NYAP2: variants seen among roughly 807,000 people sequenced by gnomAD.
NYAP2 encodes the protein neuronal tyrosine-phosphorylated phosphoinositide-3-kinase adapter 2.
Under a neutral mutation model 50.4 loss-of-function variants are expected in NYAP2, and 23 were observed. The ratio of observed to expected loss-of-function variants is 0.46; its 90% CI spans 0.33 to 0.65. The LOEUF (loss-of-function observed/expected upper bound fraction) is 0.65. Ranked by LOEUF, NYAP2 falls within the 30% of genes least tolerant of loss-of-function variation. NYAP2 has a pLI of 0.02. For synonymous variants in NYAP2, 394 were observed against 365.2 expected, an observed-to-expected ratio of 1.08 and a Z score of -0.90; for missense variants, 885 against 861.0, an observed-to-expected ratio of 1.03 and a Z score of -0.35.
At chr2:225,604,009 C>A (rs555739598) in intron 5 of NYAP2, among the ~76,000 whole-genome samples, 6 of 152,174 alleles carry the variant, frequency 3.9e-5, no homozygotes, top group Admixed American at 2.0e-4. Context: ...ATATCAGTAA[C>A]ATCAGAAATA....
intron 3 of NYAP2, among the ~76,000 whole-genome samples, chr2:225,510,724 C>A (rs545525318): frequency 3.3e-5 from 5 of 151,962 alleles, no homozygotes; most frequent in Non-Finnish European, 5.9e-5. Context: ...TGCAGTGGTA[C>A]CTGCTAGTGC....
intron 6 of NYAP2, among the ~76,000 whole-genome samples, chr2:225,640,390 T>C (rs994663396): frequency 6.6e-6 from 1 of 152,242 alleles, no homozygotes; most frequent in Non-Finnish European, 1.5e-5. Context: ...TGTCTTTCTT[T>C]GGTCCAGTCA....
At chr2:225,422,555 G>T (rs1041877670) in intron 3 of NYAP2, among the ~76,000 whole-genome samples, 1 of 152,030 alleles carries the variant, frequency 6.6e-6, no homozygotes, top group Non-Finnish European at 1.5e-5. Flanking sequence ...TAACTGGAGA[G>T]ATAAGCAATA....
chr2:225,648,200 C>T (rs1693667236), intron 6 of NYAP2, among the ~76,000 whole-genome samples: 1 of 152,072 alleles, frequency 6.6e-6, no homozygotes, highest in African/African-American at 2.4e-5. Context: ...AGGGTTTCAC[C>T]ATGTTGGCCA....
At chr2:225,398,651 G>A (rs1459976865), upstream of NYAP2, among the ~76,000 whole-genome samples, 1 of 151,028 alleles carries the variant, frequency 6.6e-6, no homozygotes, top group Non-Finnish European at 1.5e-5. Flanking sequence ...AGAGGGAAAG[G>A]GAGAGCATTG....
At chr2:225,667,313 T>A in the NYAP2 span, among the ~76,000 whole-genome samples, 1 of 152,076 alleles carries the variant, frequency 6.6e-6, no homozygotes, top group African/African-American at 2.4e-5. Context: ...CATATATATT[T>A]AATAAGAGTG....
chr2:225,618,808 A>G (rs1693037997), intron 5 of NYAP2, among the ~76,000 whole-genome samples: 1 of 152,254 alleles, frequency 6.6e-6, no homozygotes, highest in South Asian at 2.1e-4. Flanking sequence ...ATCAGGAAGT[A>G]ATTTCACTGG....
intron 5 of NYAP2, among the ~76,000 whole-genome samples, chr2:225,590,095 C>G (rs578112788): frequency 5.1e-4 from 77 of 152,324 alleles, no homozygotes; most frequent in African/African-American, 1.8e-3. Context: ...TCCAAAAGTT[C>G]TGGCAGGATC....
chr2:225,668,765 T>C, the NYAP2 span, among the ~76,000 whole-genome samples: 12 of 152,090 alleles, frequency 7.9e-5, no homozygotes, highest in African/African-American at 2.7e-4. Flanking sequence ...CTGGGTATTA[T>C]AGAGCAAACA....
At chr2:225,399,572 A>G (rs546649711), upstream of NYAP2, 2 of 152,094 alleles carry the variant, frequency 1.3e-5, no homozygotes, top group Non-Finnish European at 2.9e-5. Flanking sequence ...TGTTCCACAC[A>G]CGTGTGTGCT....
chr2:225,654,858 T>C (rs1693798667), downstream of NYAP2, among the ~76,000 whole-genome samples: 1 of 152,198 alleles, frequency 6.6e-6, no homozygotes, highest in Non-Finnish European at 1.5e-5. Flanking sequence ...ACTTCTCAGA[T>C]TGTTGTTGTC....
At chr2:225,484,856 CATCTGAAATGT>C (rs757759447) in intron 3 of NYAP2, among the ~76,000 whole-genome samples, 3 of 152,226 alleles carry the variant, frequency 2.0e-5, no homozygotes, top group Non-Finnish European at 4.4e-5. Context: ...GTATCAGCGT[CATCTGAAATGT>C]ATCAGCATCA....
At chr2:225,684,752 T>C in the NYAP2 span, among the ~76,000 whole-genome samples, 2 of 152,158 alleles carry the variant, frequency 1.3e-5, no homozygotes, top group Non-Finnish European at 2.9e-5. Flanking sequence ...GGTTTCACTA[T>C]GTTGGTGAGG....
At chr2:225,477,960 G>C (rs1326772281) in intron 3 of NYAP2, among the ~76,000 whole-genome samples, 1 of 152,144 alleles carries the variant, frequency 6.6e-6, no homozygotes, top group African/African-American at 2.4e-5. Context: ...ATTAAAAGAA[G>C]TGTTCAAGGA....
intron 4 of NYAP2, among the ~76,000 whole-genome samples, chr2:225,553,984 C>A (rs1691727957): frequency 6.6e-6 from 1 of 152,102 alleles, no homozygotes; most frequent in African/African-American, 2.4e-5. Context: ...TGCCCCATTG[C>A]ACTCCAGCCT....
At chr2:225,559,826 T>A (rs1330688211) in intron 4 of NYAP2, among the ~76,000 whole-genome samples, 1 of 152,044 alleles carries the variant, frequency 6.6e-6, no homozygotes, top group East Asian at 1.9e-4. Context: ...ATACAATATA[T>A]CTGTTCATGT....
intron 4 of NYAP2, among the ~76,000 whole-genome samples, chr2:225,551,386 C>G (rs1256230174): frequency 6.6e-6 from 1 of 152,214 alleles, no homozygotes; most frequent in Non-Finnish European, 1.5e-5. Flanking sequence ...TCCCATAAGA[C>G]TACATGAAGT....
chr2:225,526,576 G>A (rs934274360), intron 4 of NYAP2, among the ~76,000 whole-genome samples: 1 of 152,144 alleles, frequency 6.6e-6, no homozygotes, highest in Non-Finnish European at 1.5e-5. Flanking sequence ...AACATTTTTA[G>A]TTCCTTCAAA....
chr2:225,656,058 CCT>C (rs1294184614), downstream of NYAP2, among the ~76,000 whole-genome samples: 1 of 152,074 alleles, frequency 6.6e-6, no homozygotes, highest in Non-Finnish European at 1.5e-5. Context: ...TGAACTGAAA[CCT>C]CAACTTCTTC....
Sources: gnomAD v4.1 joint callset for allele counts (sites outside exome capture counted in the v4.1 genomes callset) on GRCh38, gnomAD v4.1.1 for gene constraint, MANE v1.5 for transcripts, NCBI Gene and HGNC (gene_info 2026-07-23, HGNC 2026-07-21) for gene names.